Variants in XPO1 observed in about 807,000 individuals in gnomAD.
The protein encoded by XPO1 is exportin 1.
XPO1 carries 5 observed loss-of-function variants against 133.3 expected under a neutral mutation model. The ratio of observed to expected loss-of-function variants is 0.04; its 90% CI spans 0.02 to 0.08. The LOEUF (loss-of-function observed/expected upper bound fraction) is 0.08. Among genes scored for constraint, XPO1 ranks in the 10% least tolerant of loss-of-function variants. XPO1 has a pLI of 1.00. For missense variants in XPO1, 506 were observed against 1,267.5 expected, an observed-to-expected ratio of 0.40 and a Z score of 9.12; for synonymous variants, 419 against 408.2, an observed-to-expected ratio of 1.03 and a Z score of -0.32.
At chr2:61,519,592 A>T (rs2104718327) in intron 4 of XPO1, among the ~76,000 whole-genome samples, 1 of 149,186 alleles carries the variant, frequency 6.7e-6, no homozygotes, top group South Asian at 2.1e-4. Context: ...CCAGCTACTC[A>T]GGAGGCTGAG....
chr2:61,514,593 T>TAAAA (rs562982187), intron 4 of XPO1, among the ~76,000 whole-genome samples: 3 of 125,854 alleles, frequency 2.4e-5, no homozygotes, highest in Non-Finnish European at 3.4e-5. Context: ...ACTCTGTCTT[T>TAAAA]AAAAAAAAAA....
At chr2:61,482,163 G>A (rs977564293) in intron 23 of XPO1, among the ~76,000 whole-genome samples, 6 of 19,256 alleles carry the variant, frequency 3.1e-4, no homozygotes, top group Non-Finnish European at 4.7e-4. Flanking sequence ...CAACCCTCTC[G>A]CCTCAGCCTC....
chr2:61,537,971 C>A lies in XPO1; in HGVS notation c.-416G>T. 6.2e-6 allele frequency: 1 copy of A among 161,684 alleles called. No individual in the cohort carries two copies. Among genetic ancestry groups the A allele is most frequent in the South Asian group, 1.8e-4 (1 of 5,692 alleles). The allele number at this position is 161,684 out of a possible 1,614,324, so 10.0% of individuals were successfully genotyped here. A position where few individuals can be genotyped will look rare whatever the true frequency, so the allele number is the denominator to read the frequency against. ...GAGTCCACACGGCCGGGGAGACGCT[C>A]TGCTGCCAGTTGCAGTCCGACTCCC... On this transcript the variant is annotated 5_prime_UTR_variant, in exon 1 of 25. Coordinates refer to ENST00000401558, the MANE Select transcript of XPO1 (RefSeq NM_003400.4).
Position 61,538,331 on chromosome 2 carries a change from A to T in XPO1, c.-776T>A, listed in dbSNP as rs1009280146. ...TCCATCTCGGTTGAGTTTTCAGCCC[A>T]TGGCGCCGCGGAGCGTTTGGAACCT... On this transcript the variant is annotated 5_prime_UTR_variant, in exon 1 of 25. It removes an upstream start codon present in the reference 5' UTR. Transcript: ENST00000401558. The T allele has an allele frequency of 6.3e-6, 1 of 157,694 alleles. No homozygotes were observed. Among genetic ancestry groups the T allele is most frequent in the Non-Finnish European group, 1.4e-5 (1 of 71,564 alleles). The allele number at this position is 157,694 out of a possible 1,614,324, so 9.8% of individuals were successfully genotyped here.
chr2:61,537,159 C>T (rs1013229466), intron 1 of XPO1: 3 of 152,060 alleles, frequency 2.0e-5, no homozygotes, highest in African/African-American at 7.2e-5. Context: ...AATGCTGCTG[C>T]ACTAAATATT....
chr2:61,535,994 C>A (rs2104861935), intron 1 of XPO1, among the ~76,000 whole-genome samples: 1 of 152,280 alleles, frequency 6.6e-6, no homozygotes, highest in African/African-American at 2.4e-5. Flanking sequence ...AAATATTGAA[C>A]AAACTTTTCA....
intron 4 of XPO1, among the ~76,000 whole-genome samples, chr2:61,505,807 C>G (rs1697779382): frequency 6.6e-6 from 1 of 152,150 alleles, no homozygotes; most frequent in Non-Finnish European, 1.5e-5. Context: ...ATCCGCCCAC[C>G]TCGGCCTCCC....
At chr2:61,529,204 T>C (rs1228465011) in intron 2 of XPO1, among the ~76,000 whole-genome samples, 1 of 152,190 alleles carries the variant, frequency 6.6e-6, no homozygotes, top group Non-Finnish European at 1.5e-5. Flanking sequence ...TTAAAATCTG[T>C]CAGTTATCTT....
At chr2:61,512,744 T>C (rs949613342) in intron 4 of XPO1, among the ~76,000 whole-genome samples, 3 of 152,198 alleles carry the variant, frequency 2.0e-5, no homozygotes, top group African/African-American at 4.8e-5. Flanking sequence ...CCAAACCTTT[T>C]AGAAACAAAG....
chr2:61,503,489 A>G (rs1697644280), intron 4 of XPO1, among the ~76,000 whole-genome samples: 1 of 151,130 alleles, frequency 6.6e-6, no homozygotes, highest in African/African-American at 2.4e-5. Flanking sequence ...CAGTGGCGCG[A>G]TCTCGCCTCA....
chr2:61,532,126 A>AT (rs777584057), intron 2 of XPO1, among the ~76,000 whole-genome samples: 91 of 151,676 alleles, frequency 6.0e-4, no homozygotes, highest in Non-Finnish European at 9.9e-4. Context: ...ATTTTATTTT[A>AT]TTTATTTATT....
Position 61,490,629 on chromosome 2 carries a change from T to C in XPO1, c.2022+13A>G, listed in dbSNP as rs373073160. On this transcript the variant is annotated intron_variant, in intron 17 of 24. Transcript: ENST00000401558. ...TCCCATGAAAACTTTTAAGAAAAGG[T>C]AGAAATACTTACTTTGGTTGCCTGC... The C allele has an allele frequency of 5.5e-4, 886 of 1,613,594 alleles. 1 individual carries two copies. The highest frequency in any genetic ancestry group is 8.0e-4 in the Admixed American group (48 of 59,796).
intron 4 of XPO1, among the ~76,000 whole-genome samples, chr2:61,503,598 G>GT (rs2104546188): frequency 6.6e-6 from 1 of 152,060 alleles, no homozygotes; most frequent in African/African-American, 2.4e-5. Flanking sequence ...CTATTTTTTT[G>GT]TATTTTTAGT....
At chr2:61,528,646 C>A (rs1477403899) in intron 2 of XPO1, among the ~76,000 whole-genome samples, 2 of 120,766 alleles carry the variant, frequency 1.7e-5, no homozygotes, top group African/African-American at 3.2e-5. Flanking sequence ...GCGTGAGACT[C>A]CCTCTCAAAA....
At chr2:61,513,497 G>C (rs938024552) in intron 4 of XPO1, among the ~76,000 whole-genome samples, 1 of 149,062 alleles carries the variant, frequency 6.7e-6, no homozygotes, top group South Asian at 2.1e-4. Flanking sequence ...GCTAATTTTT[G>C]TATCTTTAGT....
chr2:61,514,222 A>C (rs1436913105), intron 4 of XPO1, among the ~76,000 whole-genome samples: 1 of 151,946 alleles, frequency 6.6e-6, no homozygotes, highest in Non-Finnish European at 1.5e-5. Flanking sequence ...TTTTGAACAG[A>C]CATTTCACCA....
chr2:61,481,236 T>C lies in XPO1; in HGVS notation c.3018A>G (p.Gln1006=), dbSNP rs1202515214. 2 of 1,612,880 alleles carry C rather than the reference T, an allele frequency of 1.2e-6. No homozygotes were observed. Among genetic ancestry groups the C allele is most frequent in the Non-Finnish European group, 1.7e-6 (2 of 1,179,488 alleles). Residue 1006 remains glutamine, a synonymous_variant, in exon 24 of 25, where the codon CAA becomes CAG. Coordinates refer to ENST00000401558, the MANE Select transcript of XPO1 (RefSeq NM_003400.4). The part of the protein sequence containing the change: ...LFVTGLFSLN[Q]DIPAFKEHLR... ...AATGTTCCTTGAAAGCAGGAATATC[T>C]TGATTTAAGCTGAAAAGCCCTGTCA...
At chr2:61,510,079 A>G (rs548087082) in intron 4 of XPO1, among the ~76,000 whole-genome samples, 1 of 152,204 alleles carries the variant, frequency 6.6e-6, no homozygotes, top group African/African-American at 2.4e-5. Flanking sequence ...CAGGAGTTTG[A>G]GACCAGCCAG....
At chr2:61,479,024 A>T in intron 24 of XPO1, 58 bp from the exon 25 acceptor site, 9 of 1,576,288 alleles carry the variant, frequency 5.7e-6, no homozygotes, top group Non-Finnish European at 7.8e-6. Flanking sequence ...CAAAGAAAGA[A>T]ATCATAGATG....
Sources: gnomAD v4.1 joint callset for allele counts (sites outside exome capture counted in the v4.1 genomes callset) on GRCh38, gnomAD v4.1.1 for gene constraint, MANE v1.5 for transcripts, NCBI Gene and HGNC (gene_info 2026-07-23, HGNC 2026-07-21) for gene names.